The following NXPE4 variants were observed in gnomAD, a reference collection of about 807,000 sequenced individuals.
NXPE4 encodes the protein NXPE family member 4.
A neutral mutation model predicts 33.3 loss-of-function variants in NXPE4; 42 were observed. The observed-to-expected ratio is 1.26, with a 90% CI of 0.98 to 1.63. NXPE4 has a LOEUF of 1.63. Among genes scored for constraint, NXPE4 ranks in the 40% most tolerant of loss-of-function variants. The pLI, the probability that NXPE4 is intolerant of heterozygous loss-of-function variation, is 0.00. For synonymous variants in NXPE4, 253 were observed against 234.9 expected (o/e 1.08, Z -0.71); for missense variants, 709 against 647.6 (o/e 1.09, Z -1.03).
chr11:114,577,639 G>A (rs2135204456), intron 5 of NXPE4, among the ~76,000 whole-genome samples: 1 of 152,302 alleles, frequency 6.6e-6, no homozygotes, highest in Admixed American at 6.5e-5. Flanking sequence ...CTAATGGAGT[G>A]GGGATGGAAA....
chr11:114,634,678 A>C, the NXPE4 span, among the ~76,000 whole-genome samples: 1 of 152,066 alleles, frequency 6.6e-6, no homozygotes, highest in Admixed American at 6.6e-5. Context: ...AGCTTTCTAC[A>C]TATCGCTAGT....
the NXPE4 span, among the ~76,000 whole-genome samples, chr11:114,637,939 G>C: frequency 1.3e-5 from 2 of 151,800 alleles, no homozygotes; most frequent in East Asian, 3.9e-4. Context: ...ACAATTATGT[G>C]TCTTGGAGTT....
Position 114,582,271 on chromosome 11 carries a change from G to T in NXPE4, c.830+17C>A, listed in dbSNP as rs762300115. On this transcript the variant is annotated intron_variant, in intron 3 of 5. Transcript: ENST00000375478. ...ACAATATTTGCACAGGTAGTCTCAAGAAGTAATTATTTTTACCTTTCAAAG... is the reference window on the plus strand; with the variant it reads ...ACAATATTTGCACAGGTAGTCTCAATAAGTAATTATTTTTACCTTTCAAAG... 3 of 1,543,176 alleles carry T rather than the reference G, an allele frequency of 1.9e-6. No individual in the cohort carries two copies. Among genetic ancestry groups the T allele is most frequent in the Admixed American group, 2.0e-5 (1 of 49,032 alleles).
At chr11:114,596,872 C>T (rs1565341304), upstream of NXPE4, among the ~76,000 whole-genome samples, 2 of 152,182 alleles carry the variant, frequency 1.3e-5, no homozygotes, top group Middle Eastern at 3.4e-3. Flanking sequence ...GAGGTAGGCA[C>T]AATAGATATG....
the NXPE4 span, among the ~76,000 whole-genome samples, chr11:114,639,060 G>T: frequency 6.6e-6 from 1 of 152,068 alleles, no homozygotes; most frequent in South Asian, 2.1e-4. Flanking sequence ...TCTGTGCCCT[G>T]CCCCCAGAGG....
At chr11:114,596,176 A>G (rs1042375899), upstream of NXPE4, among the ~76,000 whole-genome samples, 4 of 152,178 alleles carry the variant, frequency 2.6e-5, no homozygotes, top group African/African-American at 9.7e-5. Context: ...TTTCAATACA[A>G]TTTGCTGAAT....
chr11:114,606,830 A>T, the NXPE4 span, among the ~76,000 whole-genome samples: 1 of 151,924 alleles, frequency 6.6e-6, no homozygotes, highest in Non-Finnish European at 1.5e-5. Flanking sequence ...CCCAGTCGAT[A>T]ATAAGTGTTG....
chr11:114,654,971 T>C, the NXPE4 span, among the ~76,000 whole-genome samples: 1 of 152,178 alleles, frequency 6.6e-6, no homozygotes, highest in Non-Finnish European at 1.5e-5. Context: ...TCTACAGCCT[T>C]GCCAGCACCT....
chr11:114,666,705 G>C, the NXPE4 span, among the ~76,000 whole-genome samples: 2 of 151,998 alleles, frequency 1.3e-5, no homozygotes, highest in African/African-American at 4.8e-5. Context: ...AGAGGTATTA[G>C]GGTCTCAAAT....
rs1565333100 is a variant in NXPE4, at chr11:114,582,536, T to G, written c.582A>C (p.Ala194=). Residue 194 remains alanine, a synonymous_variant, in exon 3 of 6, where the codon GCA becomes GCC. Transcript: ENST00000375478. ...PSEGVSALWS[A]RNQGYDRVIF... is the part of the protein sequence containing the mutation. The stretch of plus-strand genomic sequence containing the variant: ...TCACCCTGTCATAGCCTTGGTTCCT[T>G]GCACTCCAGAGAGCTGACACCCCTT... 1.2e-6 allele frequency: 2 copies of G among 1,614,142 alleles called. No individual in the cohort carries two copies. The highest frequency in any genetic ancestry group is 1.7e-6 in the Non-Finnish European group (2 of 1,179,994).
chr11:114,636,614 C>T, the NXPE4 span, among the ~76,000 whole-genome samples: 1,546 of 152,048 alleles, frequency 0.01, 21 homozygotes, highest in African/African-American at 0.035. Context: ...CTATAAATTT[C>T]CCTCTACACA....
the NXPE4 span, among the ~76,000 whole-genome samples, chr11:114,612,400 C>T: frequency 6.6e-6 from 1 of 151,796 alleles, no homozygotes; most frequent in African/African-American, 2.4e-5. Context: ...CATGTCTAAC[C>T]ACTGTTACCC....
In NXPE4 at chr11:114,582,317, A is replaced by G. The variant is rs1316025806; in HGVS notation, c.801T>C (p.Leu267=). 4 of 1,587,324 alleles carry G rather than the reference A, an allele frequency of 2.5e-6. No homozygotes were observed. ...MYSKNKKVSY[L]SKQEKSLFER... ...CAAAGAGGCTCTTTTCTTGTTTGCT[A>G]AGATAAGAAACTTTCTTGTTCTTAG... Residue 267 remains leucine (L), a synonymous_variant, in exon 3 of 6, where the codon CTT becomes CTC. Transcript: ENST00000375478.
At chr11:114,639,185 C>A in the NXPE4 span, among the ~76,000 whole-genome samples, 3 of 151,940 alleles carry the variant, frequency 2.0e-5, no homozygotes, top group Non-Finnish European at 4.4e-5. Flanking sequence ...GCACCCCTCC[C>A]CCAGCCTCAC....
chr11:114,588,863 T>G (rs1161775867), intron 2 of NXPE4, among the ~76,000 whole-genome samples: 1 of 152,010 alleles, frequency 6.6e-6, no homozygotes, highest in Non-Finnish European at 1.5e-5. Context: ...AATGACAAGT[T>G]TATTACACAG....
the NXPE4 span, among the ~76,000 whole-genome samples, chr11:114,611,716 CT>C: frequency 6.6e-6 from 1 of 151,014 alleles, no homozygotes; most frequent in African/African-American, 2.4e-5. Context: ...TTAGTATTGC[CT>C]TGTGGGTCAC....
the NXPE4 span, among the ~76,000 whole-genome samples, chr11:114,607,285 G>A: frequency 6.7e-6 from 1 of 148,694 alleles, no homozygotes; most frequent in Non-Finnish European, 1.5e-5. Flanking sequence ...ACTGTTGCCT[G>A]GTGGATAGTT....
At chr11:114,639,822 T>TAATATATATTATATTAAATATAAAATAC in the NXPE4 span, among the ~76,000 whole-genome samples, 10 of 117,458 alleles carry the variant, frequency 8.5e-5, 1 homozygote, top group African/African-American at 3.1e-4. Context: ...ATATAAAATA[T>TAATATATATTATATTAAATATAAAATAC]AATATATATT....
chr11:114,592,048 T>C (rs1424214750), intron 2 of NXPE4, among the ~76,000 whole-genome samples: 1 of 152,118 alleles, frequency 6.6e-6, no homozygotes, highest in African/African-American at 2.4e-5. Flanking sequence ...AAAACATGTA[T>C]AACAAATCCA....
Sources: gnomAD v4.1 joint callset for allele counts (sites outside exome capture counted in the v4.1 genomes callset) on GRCh38, gnomAD v4.1.1 for gene constraint, MANE v1.5 for transcripts, NCBI Gene and HGNC (gene_info 2026-07-23, HGNC 2026-07-21) for gene names.